CAPS2: variants seen among roughly 807,000 people sequenced by gnomAD.
CAPS2 encodes the protein calcyphosine 2, also known as calcyphosin-2.
In CAPS2, 98 loss-of-function variants were observed where a neutral mutation model predicts 86.5. The ratio of observed to expected loss-of-function variants is 1.13; its 90% confidence interval spans 0.96 to 1.34. The LOEUF is 1.34. Ranked by LOEUF, CAPS2 falls within the 40% of genes most tolerant of loss-of-function variation. The probability of loss-of-function intolerance (pLI) is 0.00; values close to 1 mark genes in which losing one functional copy is unlikely to be tolerated. For synonymous variants in CAPS2, 210 were observed against 225.1 expected (o/e 0.93, Z 0.60); for missense variants, 729 against 686.8 (o/e 1.06, Z -0.69).
chr12:75,279,105 G>A, intron 16 of CAPS2, 40 bp from the exon 17 acceptor site: 1 of 1,417,648 alleles, frequency 7.1e-7, no homozygotes, highest in Non-Finnish European at 9.3e-7. Flanking sequence ...TTCCTGAAAA[G>A]TTCAGTGAAA....
downstream of CAPS2, chr12:75,277,005 C>G: frequency 2.0e-6 from 2 of 984,550 alleles, no homozygotes; most frequent in Non-Finnish European, 2.4e-6. Flanking sequence ...ATACCAAAAT[C>G]AAAGAAGAAT....
chr12:75,306,057 G>A (rs2038445552), intron 7 of CAPS2: 2 of 1,474,184 alleles, frequency 1.4e-6, no homozygotes, highest in Non-Finnish European at 1.9e-6. Context: ...AGACAGCGCC[G>A]TCTAGAACGT....
chr12:75,285,044 C>G (rs2034622459), exon 15 of CAPS2: 1 of 1,611,438 alleles, frequency 6.2e-7, no homozygotes, highest in African/African-American at 1.3e-5. Flanking sequence ...TTGCCATTGC[C>G]ATTGTCATTC....
intron 1 of CAPS2, among the ~76,000 whole-genome samples, chr12:75,344,245 G>A (rs2042304115): frequency 6.6e-6 from 1 of 152,050 alleles, no homozygotes; most frequent in South Asian, 2.1e-4. Flanking sequence ...GAAGTGGGAA[G>A]TTCTCTTCAA....
At chr12:75,364,898 A>G (rs1272866169) in intron 1 of CAPS2, 1 of 152,158 alleles carries the variant, frequency 6.6e-6, no homozygotes, top group Non-Finnish European at 1.5e-5. Flanking sequence ...ATATTCTTTC[A>G]GTAATAATTT....
chr12:75,371,781 C>T (rs565623445), intron 1 of CAPS2, among the ~76,000 whole-genome samples: 1 of 152,274 alleles, frequency 6.6e-6, no homozygotes, highest in African/African-American at 2.4e-5. Flanking sequence ...CAAGTGTATA[C>T]ATGCACAAAC....
At chr12:75,309,341 G>A (rs777485413) in intron 7 of CAPS2, among the ~76,000 whole-genome samples, 11 of 152,148 alleles carry the variant, frequency 7.2e-5, no homozygotes, top group Non-Finnish European at 1.5e-4. Flanking sequence ...CGCTATCTGC[G>A]TGTGTCTCGT....
chr12:75,305,635 C>T, intron 7 of CAPS2: 1 of 625,388 alleles, frequency 1.6e-6, no homozygotes, highest in Non-Finnish European at 3.0e-6. Flanking sequence ...AGCAGCAGGC[C>T]GCGGAGAAGG....
intron 6 of CAPS2, among the ~76,000 whole-genome samples, chr12:75,313,869 G>A (rs1045425753): frequency 5.9e-5 from 9 of 152,180 alleles, no homozygotes; most frequent in South Asian, 2.1e-4. Context: ...TAAGAAAATC[G>A]GAAAAGTTGG....
chr12:75,388,367 C>T (rs2045399267), intron 1 of CAPS2, among the ~76,000 whole-genome samples: 1 of 152,098 alleles, frequency 6.6e-6, no homozygotes, highest in South Asian at 2.1e-4. Flanking sequence ...GAATAATACA[C>T]CAATACCTAG....
At chr12:75,305,637 C>G in intron 7 of CAPS2, 1 of 624,716 alleles carries the variant, frequency 1.6e-6, no homozygotes, top group Non-Finnish European at 3.0e-6. Flanking sequence ...CAGCAGGCCG[C>G]GGAGAAGGGC....
intron 1 of CAPS2, among the ~76,000 whole-genome samples, chr12:75,354,580 C>T (rs935894351): frequency 1.3e-5 from 2 of 152,142 alleles, no homozygotes; most frequent in African/African-American, 2.4e-5. Context: ...AGATTCAATG[C>T]TATTCCCATT....
At chr12:75,324,017 C>CTA (rs1408851209) in intron 2 of CAPS2, among the ~76,000 whole-genome samples, 4 of 152,124 alleles carry the variant, frequency 2.6e-5, no homozygotes, top group Admixed American at 2.6e-4. Context: ...GAAACTTTAA[C>CTA]AAGTGGTGGA....
intron 1 of CAPS2, among the ~76,000 whole-genome samples, chr12:75,368,375 C>A (rs1314495426): frequency 2.6e-5 from 4 of 151,600 alleles, no homozygotes; most frequent in African/African-American, 9.7e-5. Context: ...TTTTTTCCTG[C>A]ATCTCTTGAA....
chr12:75,337,902 T>G (rs2041847292), intron 1 of CAPS2, among the ~76,000 whole-genome samples: 1 of 152,102 alleles, frequency 6.6e-6, no homozygotes, highest in South Asian at 2.1e-4. Context: ...CCAATATAAA[T>G]CTTTTAACAG....
chr12:75,330,189 C>T, upstream of CAPS2: 1 of 249,944 alleles, frequency 4.0e-6, no homozygotes, highest in Non-Finnish European at 7.6e-6. Flanking sequence ...TCTGCCTCCT[C>T]AGTTCCGCTG....
At chr12:75,359,537 C>G (rs373932591) in intron 1 of CAPS2, among the ~76,000 whole-genome samples, 1 of 151,414 alleles carries the variant, frequency 6.6e-6, no homozygotes, top group Non-Finnish European at 1.5e-5. Context: ...ATTTAAAGGA[C>G]TAATACTATT....
Position 75,325,175 on chromosome 12 carries a change from A to T in CAPS2, c.131+64T>A, listed in dbSNP as rs563319656. On this transcript the variant is annotated intron_variant, in intron 2 of 16. Transcript: ENST00000393284. ...ATTTATAATTTTGCTTTGTTTTTTAACTAGTCAATGTATGTTATATATGTG... is the reference window on the plus strand; with the variant it reads ...ATTTATAATTTTGCTTTGTTTTTTATCTAGTCAATGTATGTTATATATGTG... The T allele has an allele frequency of 2.3e-5, 33 of 1,412,382 alleles. No individual in the cohort carries two copies. The African/African-American group carries it at 3.2e-4, about 14-fold the overall frequency. The allele number at this position is 1,412,382 out of a possible 1,614,324, so 87.5% of individuals were successfully genotyped here. A position where few individuals can be genotyped will look rare whatever the true frequency, so the allele number is the denominator to read the frequency against.
chr12:75,316,579 T>C (rs2039786571), intron 5 of CAPS2, 145 bp from the exon 6 acceptor site: 1 of 781,600 alleles, frequency 1.3e-6, no homozygotes, highest in Non-Finnish European at 1.8e-6. Flanking sequence ...TCAGATTGCT[T>C]ATATTTGAAT....
Sources: gnomAD v4.1 joint callset for allele counts (sites outside exome capture counted in the v4.1 genomes callset) on GRCh38, gnomAD v4.1.1 for gene constraint, MANE v1.5 for transcripts, NCBI Gene and HGNC (gene_info 2026-07-23, HGNC 2026-07-21) for gene names.